The following TMED3 variants were observed in gnomAD, a reference collection of about 807,000 sequenced individuals.
TMED3 encodes transmembrane emp24 domain-containing protein 3.
A neutral mutation model predicts 15.0 loss-of-function variants in TMED3; 9 were observed. The observed-to-expected ratio is 0.60, with a 90% CI of 0.36 to 1.04. TMED3 has a LOEUF of 1.04. TMED3 is among the 50% of genes least tolerant of loss of function. The pLI, the probability that TMED3 is intolerant of heterozygous loss-of-function variation, is 0.01. For synonymous variants in TMED3, 117 were observed against 121.4 expected, an observed-to-expected ratio of 0.96 and a Z score of 0.24; for missense variants, 267 against 278.9, an observed-to-expected ratio of 0.96 and a Z score of 0.30.
At chr15:79,326,717 G>A (rs7164932), downstream of TMED3, among the ~76,000 whole-genome samples, 59,171 of 151,994 alleles carry the variant, frequency 0.39, 11,808 homozygotes, top group Middle Eastern at 0.48. Context: ...ACAAGGTGAT[G>A]GTATTAGGAG....
chr15:79,311,718 C>T (rs1374826383), intron 1 of TMED3, among the ~76,000 whole-genome samples: 2 of 152,306 alleles, frequency 1.3e-5, no homozygotes, highest in East Asian at 1.9e-4. Context: ...TATCCGCAGG[C>T]CCCCGAGACA....
At chr15:79,352,988 T>C (rs1197846486) in intron 2 of TMED3, among the ~76,000 whole-genome samples, 2 of 98,960 alleles carry the variant, frequency 2.0e-5, no homozygotes, top group Non-Finnish European at 3.9e-5. Flanking sequence ...ATAAATTATA[T>C]ATTATGTTAT....
At chr15:79,373,023 T>G (rs1188106250) in intron 2 of TMED3, among the ~76,000 whole-genome samples, 4 of 152,218 alleles carry the variant, frequency 2.6e-5, no homozygotes, top group Non-Finnish European at 4.4e-5. Flanking sequence ...CCTAGCTCAC[T>G]GGTAGCCTAG....
intron 2 of TMED3, among the ~76,000 whole-genome samples, chr15:79,354,710 C>G (rs2058911775): frequency 6.6e-6 from 1 of 152,104 alleles, no homozygotes; most frequent in Non-Finnish European, 1.5e-5. Flanking sequence ...CCATCTTACC[C>G]CTCCCATCAC....
intron 2 of TMED3, among the ~76,000 whole-genome samples, chr15:79,371,610 A>G (rs1362259601): frequency 6.6e-6 from 1 of 152,214 alleles, no homozygotes; most frequent in Non-Finnish European, 1.5e-5. Context: ...TGAAACCATC[A>G]AAGGGCCAGG....
At chr15:79,405,528 C>A (rs902208095) in intron 2 of TMED3, among the ~76,000 whole-genome samples, 37 of 152,152 alleles carry the variant, frequency 2.4e-4, no homozygotes, top group African/African-American at 8.9e-4. Context: ...TCCCAAGAAC[C>A]CTACCAAACC....
rs1268223298 is a variant in TMED3 at position 79,380,579 on chromosome 15, TTTTATA to T, written c.418-30819_418-30814del. On this transcript the variant is annotated intron_variant, in intron 2 of 2. Coordinates refer to the TMED3 transcript ENST00000424155. The stretch of plus-strand genomic sequence containing the variant: ...TATATATGTAGTTACATATATATAG[TTTTATA>T]TATATATATATATATAGAGAGAGAG... Among the ~76,000 whole-genome samples, 124 of 136,488 alleles carry T rather than the reference TTTTATA, an allele frequency of 9.1e-4. 1 individual carries two copies. The highest frequency in any genetic ancestry group is 3.2e-3 in the African/African-American group (103 of 31,768). 89.5% of individuals were successfully genotyped at this position (136,488 alleles called of 152,430 possible).
exon 3 of TMED3, chr15:79,412,322 T>A (rs1893997026): frequency 1.3e-5 from 2 of 151,790 alleles, no homozygotes; most frequent in South Asian, 4.2e-4. Flanking sequence ...CTGGCATGAG[T>A]GAACTCAGCC....
chr15:79,360,384 G>T (rs1365404144), intron 2 of TMED3, among the ~76,000 whole-genome samples: 1 of 152,148 alleles, frequency 6.6e-6, no homozygotes, highest in Non-Finnish European at 1.5e-5. Flanking sequence ...TGTTTAGGTG[G>T]GGAAGCACTC....
At chr15:79,376,441 C>A (rs1261868481) in intron 2 of TMED3, among the ~76,000 whole-genome samples, 1 of 152,112 alleles carries the variant, frequency 6.6e-6, no homozygotes, top group Non-Finnish European at 1.5e-5. Context: ...AAAAACAACC[C>A]CAGTCCCACC....
chr15:79,317,341 T>C (rs1266699599), intron 2 of TMED3, among the ~76,000 whole-genome samples: 2 of 152,242 alleles, frequency 1.3e-5, no homozygotes, highest in Non-Finnish European at 2.9e-5. Context: ...CTCTTCTTTT[T>C]CCCTTCCTCC....
chr15:79,373,912 AT>A (rs1893385403), intron 2 of TMED3, among the ~76,000 whole-genome samples: 1 of 152,240 alleles, frequency 6.6e-6, no homozygotes, highest in African/African-American at 2.4e-5. Context: ...AAGAGTTGAA[AT>A]CAGCAGGAAT....
At chr15:79,353,151 AAAT>A (rs2058900400) in intron 2 of TMED3, among the ~76,000 whole-genome samples, 2 of 70,496 alleles carry the variant, frequency 2.8e-5, no homozygotes, top group African/African-American at 1.3e-4. Flanking sequence ...AAAATATATA[AAAT>A]ATATATAAAT....
chr15:79,364,760 C>T (rs1388837266), intron 2 of TMED3, among the ~76,000 whole-genome samples: 1 of 151,676 alleles, frequency 6.6e-6, no homozygotes, highest in Non-Finnish European at 1.5e-5. Flanking sequence ...GATGGCCAAA[C>T]TCTAGGGGCA....
chr15:79,338,510 G>A (rs1174471996), intron 2 of TMED3, among the ~76,000 whole-genome samples: 4 of 152,278 alleles, frequency 2.6e-5, no homozygotes, highest in Admixed American at 1.3e-4. Context: ...CCCAGGTGCC[G>A]AGGCAAGAGA....
chr15:79,404,206 C>T (rs548421273), intron 2 of TMED3, among the ~76,000 whole-genome samples: 3 of 152,184 alleles, frequency 2.0e-5, no homozygotes, highest in Non-Finnish European at 4.4e-5. Flanking sequence ...AGTCAAACCC[C>T]TATATGAATT....
rs141194056 is a variant in TMED3, at chr15:79,311,418, G to A, written c.168+1G>A. 3.7e-3 allele frequency: 5,920 copies of A among 1,604,818 alleles called. 21 individuals are homozygous for A. The highest frequency in any genetic ancestry group is 4.2e-3 in the Non-Finnish European group (4,911 of 1,175,754). The stretch of plus-strand genomic sequence containing the variant: ...CGTGAAGTTCTCCCTGGATTACCAG[G>A]TGAGGCCGGGCGCCCGGCAGCGCTC... On this transcript the variant is annotated splice_donor_variant, in intron 1 of 2. Transcript: ENST00000299705. LOFTEE classifies it high-confidence loss of function.
At chr15:79,339,321 C>T (rs975902949) in intron 2 of TMED3, among the ~76,000 whole-genome samples, 1 of 152,140 alleles carries the variant, frequency 6.6e-6, no homozygotes, top group Non-Finnish European at 1.5e-5. Context: ...GCCTGGCATT[C>T]GGGGCCTCTA....
At chr15:79,351,938 AC>A (rs1396120252) in intron 2 of TMED3, among the ~76,000 whole-genome samples, 26 of 152,122 alleles carry the variant, frequency 1.7e-4, no homozygotes, top group Non-Finnish European at 3.5e-4. Flanking sequence ...TGAATTGGAG[AC>A]CATTATTCAA....
Sources: gnomAD v4.1 joint callset for allele counts (sites outside exome capture counted in the v4.1 genomes callset) on GRCh38, gnomAD v4.1.1 for gene constraint, MANE v1.5 for transcripts, NCBI Gene and HGNC (gene_info 2026-07-23, HGNC 2026-07-21) for gene names.